Variants in GRIK4 observed in about 807,000 individuals in gnomAD.
GRIK4 encodes the protein glutamate receptor ionotropic, kainate 4.
In GRIK4, 40 loss-of-function variants were observed where a neutral mutation model predicts 104.9. The ratio of observed to expected loss-of-function variants is 0.38; its 90% CI spans 0.30 to 0.50. GRIK4 has a LOEUF of 0.50. Ranked by LOEUF, GRIK4 falls within the 20% of genes least tolerant of loss-of-function variation. The pLI, the probability that GRIK4 is intolerant of heterozygous loss-of-function variation, is 0.93. For synonymous variants in GRIK4, 485 were observed against 524.9 expected (o/e 0.92, Z 1.04); for missense variants, 1,047 against 1,308.1 (o/e 0.80, Z 3.08).
intron 1 of GRIK4, among the ~76,000 whole-genome samples, chr11:120,517,323 C>T (rs1404957433): frequency 6.7e-6 from 1 of 149,356 alleles, no homozygotes; most frequent in Non-Finnish European, 1.5e-5. Context: ...GCCAGAGGGG[C>T]TGTGTGGCCT....
At chr11:120,560,678 G>A (rs539483945) in intron 1 of GRIK4, among the ~76,000 whole-genome samples, 1 of 152,256 alleles carries the variant, frequency 6.6e-6, no homozygotes, top group East Asian at 1.9e-4. Flanking sequence ...TAGATCACTC[G>A]GTGCCTCAGT....
intron 13 of GRIK4, among the ~76,000 whole-genome samples, chr11:120,934,242 A>T (rs564652216): frequency 6.8e-6 from 1 of 146,266 alleles, no homozygotes; most frequent in East Asian, 2.0e-4. Context: ...GGTCAGCGTC[A>T]TGGTGCTAGG....
At position 120,953,416 on chromosome 11, in the gene GRIK4, G is replaced by T. The variant is rs1944054808; in HGVS notation, c.1700+452G>T. 1.3e-5 allele frequency among the ~76,000 whole-genome samples: 2 copies of T among 152,180 alleles called. No homozygotes were observed. Among genetic ancestry groups the T allele is most frequent in the African/African-American group, 4.8e-5 (2 of 41,430 alleles). On this transcript the variant is annotated intron_variant, in intron 15 of 20. Transcript: ENST00000527524. This position sits in a 1 kb window ranked among gnomAD's most constrained non-coding sequence, Gnocchi z 4.9. ...ACAAGGAACAGAGCCTGCAAATCTG[G>T]ACTGGGGGCACTGGGGGCTGCAGTG...
chr11:120,930,226 T>C (rs679934), intron 13 of GRIK4, among the ~76,000 whole-genome samples: 2 of 152,224 alleles, frequency 1.3e-5, no homozygotes, highest in African/African-American at 4.8e-5. Context: ...TCAGCGTCTT[T>C]GTCTCCAAAA....
At chr11:120,884,282 A>G (rs780058994) in intron 11 of GRIK4, among the ~76,000 whole-genome samples, 16 of 152,234 alleles carry the variant, frequency 1.1e-4, no homozygotes, top group Non-Finnish European at 2.2e-4. Flanking sequence ...GGATTCTACT[A>G]TATTTGCAAA....
chr11:120,963,071 A>C, intron 18 of GRIK4: 1 of 162,740 alleles, frequency 6.1e-6, no homozygotes, highest in African/African-American at 2.4e-5. Flanking sequence ...CAGTGGGAAG[A>C]AGGATGAGAT....
At chr11:120,635,553 A>T (rs1475000131) in intron 1 of GRIK4, among the ~76,000 whole-genome samples, 1 of 152,236 alleles carries the variant, frequency 6.6e-6, no homozygotes, top group African/African-American at 2.4e-5. Context: ...GAAGTCCCCC[A>T]GGGAGGGGTA....
chr11:120,547,101 G>A (rs1193790193), intron 1 of GRIK4, among the ~76,000 whole-genome samples: 3 of 152,110 alleles, frequency 2.0e-5, no homozygotes, highest in African/African-American at 7.2e-5. Context: ...GTTCCTTTGC[G>A]TGGACAGTCC....
chr11:120,943,578 T>C (rs1364783591), intron 14 of GRIK4, among the ~76,000 whole-genome samples: 2 of 152,194 alleles, frequency 1.3e-5, no homozygotes, highest in Admixed American at 6.5e-5. Context: ...AATATCATAG[T>C]GTTAAGGTAA....
intron 4 of GRIK4, among the ~76,000 whole-genome samples, chr11:120,807,018 C>G (rs908174721): frequency 6.6e-6 from 1 of 152,160 alleles, no homozygotes; most frequent in African/African-American, 2.4e-5. Flanking sequence ...CATCTGACAT[C>G]CCCCACCTCT....
chr11:120,518,873 C>A (rs2136071861), intron 1 of GRIK4, among the ~76,000 whole-genome samples: 1 of 152,346 alleles, frequency 6.6e-6, no homozygotes, highest in East Asian at 1.9e-4. Flanking sequence ...CCGGCCTCAG[C>A]CTCCAAAGTG....
chr11:120,542,657 T>C (rs1948049197), intron 1 of GRIK4, among the ~76,000 whole-genome samples: 1 of 152,096 alleles, frequency 6.6e-6, no homozygotes, highest in African/African-American at 2.4e-5. Context: ...AATAGACATT[T>C]CTCCAAAGAC....
At chr11:120,781,135 CTTT>C (rs59172541) in intron 3 of GRIK4, among the ~76,000 whole-genome samples, 1 of 135,970 alleles carries the variant, frequency 7.4e-6, no homozygotes, top group African/African-American at 2.7e-5. Flanking sequence ...TCCTTTCTTT[CTTT>C]TTTTTTTTTT....
chr11:120,918,145 T>C (rs1418399898), intron 13 of GRIK4, among the ~76,000 whole-genome samples: 5 of 152,186 alleles, frequency 3.3e-5, no homozygotes, highest in Non-Finnish European at 1.5e-5. Context: ...TTTCAGGAGC[T>C]CCAGTTCAGC....
intron 1 of GRIK4, among the ~76,000 whole-genome samples, chr11:120,650,190 G>T (rs1229551993): frequency 6.6e-6 from 1 of 152,162 alleles, no homozygotes; most frequent in Non-Finnish European, 1.5e-5. Flanking sequence ...CGGGCTCCTT[G>T]CCTTTTCTGT....
At chr11:120,973,654 T>G (rs1944512034) in intron 19 of GRIK4, among the ~76,000 whole-genome samples, 1 of 152,224 alleles carries the variant, frequency 6.6e-6, no homozygotes, top group African/African-American at 2.4e-5. Context: ...AGTGCCAGTT[T>G]AATGTGGTGG....
At chr11:120,602,154 C>T (rs1297287191) in intron 1 of GRIK4, among the ~76,000 whole-genome samples, 1 of 152,182 alleles carries the variant, frequency 6.6e-6, no homozygotes, top group East Asian at 1.9e-4. Context: ...CAGGAAGCCC[C>T]TGGGAGCCAG....
At chr11:120,634,054 GC>G (rs1386941672) in intron 1 of GRIK4, among the ~76,000 whole-genome samples, 2 of 152,312 alleles carry the variant, frequency 1.3e-5, no homozygotes, top group Admixed American at 1.3e-4. Flanking sequence ...TAACGTTAGA[GC>G]AGCGGCTGCA....
At chr11:120,876,721 T>C (rs1954830260) in intron 11 of GRIK4, among the ~76,000 whole-genome samples, 2 of 152,204 alleles carry the variant, frequency 1.3e-5, no homozygotes, top group African/African-American at 4.8e-5. Flanking sequence ...CAGAGAGATC[T>C]ACCTCTAAAG....
Sources: gnomAD v4.1 joint callset for allele counts (sites outside exome capture counted in the v4.1 genomes callset) on GRCh38, gnomAD v4.1.1 for gene constraint, Gnocchi (gnomAD v3.1) non-coding constraint, MANE v1.5 for transcripts, NCBI Gene and HGNC (gene_info 2026-07-23, HGNC 2026-07-21) for gene names.